The following SLC2A13 variants were observed in gnomAD, a reference collection of about 807,000 sequenced individuals.
SLC2A13 encodes the protein proton myo-inositol cotransporter.
Under a neutral mutation model 64.4 loss-of-function variants are expected in SLC2A13, and 32 were observed. That is an observed-to-expected ratio of 0.50 (90% confidence interval 0.37 to 0.67). The LOEUF (loss-of-function observed/expected upper bound fraction) is 0.67, where lower values mean the gene tolerates loss of function less well. Ranked by LOEUF, SLC2A13 falls within the 30% of genes least tolerant of loss-of-function variation. The pLI, the probability that SLC2A13 is intolerant of heterozygous loss-of-function variation, is 0.00. For missense variants in SLC2A13, 743 were observed against 829.2 expected (o/e 0.90, Z 1.28); for synonymous variants, 338 against 327.1 (o/e 1.03, Z -0.36).
chr12:39,900,487 A>G (rs966679532), intron 4 of SLC2A13, among the ~76,000 whole-genome samples: 10 of 152,092 alleles, frequency 6.6e-5, no homozygotes, highest in African/African-American at 2.2e-4. Context: ...AACTTCAGCA[A>G]AGTCTCAGGA....
chr12:39,771,730 G>T (rs965517369), intron 7 of SLC2A13, among the ~76,000 whole-genome samples: 2 of 151,908 alleles, frequency 1.3e-5, no homozygotes, highest in Non-Finnish European at 2.9e-5. Context: ...AAACTCATAT[G>T]CCACCAAGTT....
chr12:40,022,040 G>T (rs1947728289), intron 3 of SLC2A13, among the ~76,000 whole-genome samples: 1 of 147,404 alleles, frequency 6.8e-6, no homozygotes, highest in Non-Finnish European at 1.5e-5. Context: ...ATTACTAGAG[G>T]AAAAAAAAAA....
chr12:40,004,530 A>C (rs1388523222), intron 3 of SLC2A13, among the ~76,000 whole-genome samples: 1 of 152,074 alleles, frequency 6.6e-6, no homozygotes, highest in Non-Finnish European at 1.5e-5. Context: ...AGATTTTGGT[A>C]TCTGAGGCGT....
At chr12:39,862,465 A>G (rs1332989270) in intron 6 of SLC2A13, among the ~76,000 whole-genome samples, 1 of 152,242 alleles carries the variant, frequency 6.6e-6, no homozygotes, top group Non-Finnish European at 1.5e-5. Flanking sequence ...AGGCAGAACC[A>G]TATCACTTTC....
chr12:40,098,750 G>A (rs1034465633), intron 1 of SLC2A13, among the ~76,000 whole-genome samples: 3 of 152,204 alleles, frequency 2.0e-5, no homozygotes, highest in African/African-American at 4.8e-5. Flanking sequence ...AAAGGTAACC[G>A]TATTATCCCC....
At chr12:39,963,265 C>T (rs1027399647) in intron 3 of SLC2A13, among the ~76,000 whole-genome samples, 8 of 121,614 alleles carry the variant, frequency 6.6e-5, no homozygotes, top group Middle Eastern at 7.4e-3. Flanking sequence ...CCAGCCTGGG[C>T]GACAGAGCGA....
intron 6 of SLC2A13, among the ~76,000 whole-genome samples, chr12:39,834,418 T>C (rs1466138116): frequency 6.6e-6 from 1 of 152,066 alleles, no homozygotes; most frequent in Non-Finnish European, 1.5e-5. Context: ...TTTAATTTCA[T>C]TTCTCTGGCC....
chr12:40,012,552 C>T (rs1264690233), intron 3 of SLC2A13, among the ~76,000 whole-genome samples: 1 of 152,140 alleles, frequency 6.6e-6, no homozygotes, highest in Non-Finnish European at 1.5e-5. Flanking sequence ...ATTTTTCTAT[C>T]GCATGGATGT....
At chr12:39,909,302 A>T (rs1157639629) in intron 4 of SLC2A13, among the ~76,000 whole-genome samples, 1 of 151,912 alleles carries the variant, frequency 6.6e-6, no homozygotes, top group Non-Finnish European at 1.5e-5. Flanking sequence ...TTCTTCTCTG[A>T]ATCAGTTTTA....
intron 4 of SLC2A13, among the ~76,000 whole-genome samples, chr12:39,895,789 C>A (rs1486919202): frequency 1.3e-5 from 1 of 79,234 alleles, no homozygotes; most frequent in African/African-American, 5.3e-5. Flanking sequence ...TGTATACGTA[C>A]ACACATGTAT....
chr12:39,968,526 C>G (rs1446237710), intron 3 of SLC2A13, among the ~76,000 whole-genome samples: 1 of 151,896 alleles, frequency 6.6e-6, no homozygotes, highest in Non-Finnish European at 1.5e-5. Context: ...TGACTCTTTC[C>G]TCTCTGAACC....
intron 1 of SLC2A13, among the ~76,000 whole-genome samples, chr12:40,103,704 T>TG (rs1381875698): frequency 6.6e-6 from 1 of 152,202 alleles, no homozygotes; most frequent in Non-Finnish European, 1.5e-5. Flanking sequence ...CCTAAAATGA[T>TG]GTTATTTCTA....
chr12:39,959,497 G>GT (rs1946373082), intron 3 of SLC2A13, among the ~76,000 whole-genome samples: 1 of 152,196 alleles, frequency 6.6e-6, no homozygotes, highest in Admixed American at 6.5e-5. Context: ...TAATGTAAAG[G>GT]TTTTTATCAA....
In SLC2A13 at chr12:39,850,178, C is replaced by T. The variant is rs183082705; in HGVS notation, c.1319+14584G>A. 5.5e-3 allele frequency among the ~76,000 whole-genome samples: 842 copies of T among 152,124 alleles called. 5 individuals are homozygous for T. Among genetic ancestry groups the T allele is most frequent in the Non-Finnish European group, 7.9e-3 (538 of 68,008 alleles). On this transcript the variant is annotated intron_variant, in intron 6 of 9. Transcript: ENST00000280871. ...ATAATAAAGGAGTCAGTGGATTTGT[C>T]CATAAGTAGCTACTGGAACCGAAAA...
intron 3 of SLC2A13, among the ~76,000 whole-genome samples, chr12:40,000,378 C>G (rs776790399): frequency 2.0e-5 from 3 of 152,178 alleles, no homozygotes; most frequent in African/African-American, 4.8e-5. Context: ...CTACCCTCTA[C>G]TAAATTTAAA....
At chr12:40,065,419 A>G (rs1937682167) in intron 1 of SLC2A13, among the ~76,000 whole-genome samples, 1 of 149,882 alleles carries the variant, frequency 6.7e-6, no homozygotes, top group African/African-American at 2.5e-5. Context: ...TCATCTTTAC[A>G]AGAAAAAAAA....
At chr12:40,041,098 GC>G (rs1379593746) in intron 2 of SLC2A13, among the ~76,000 whole-genome samples, 1 of 152,040 alleles carries the variant, frequency 6.6e-6, no homozygotes, top group African/African-American at 2.4e-5. Context: ...GATTACAGGC[GC>G]CCACCACCGC....
At chr12:39,890,455 C>A (rs1320598569) in intron 4 of SLC2A13, among the ~76,000 whole-genome samples, 2 of 152,112 alleles carry the variant, frequency 1.3e-5, no homozygotes, top group Non-Finnish European at 2.9e-5. Context: ...TGTTGCTCAT[C>A]AATTGACCTT....
intron 7 of SLC2A13, among the ~76,000 whole-genome samples, chr12:39,790,333 T>C (rs1188743257): frequency 6.6e-6 from 1 of 150,512 alleles, no homozygotes; most frequent in Admixed American, 6.6e-5. Context: ...ACGCGTCATC[T>C]AGCATTAGGT....
Sources: gnomAD v4.1 joint callset for allele counts (sites outside exome capture counted in the v4.1 genomes callset) on GRCh38, gnomAD v4.1.1 for gene constraint, MANE v1.5 for transcripts, NCBI Gene and HGNC (gene_info 2026-07-23, HGNC 2026-07-21) for gene names.